CHN2: variants seen among roughly 807,000 people sequenced by gnomAD.
CHN2 encodes the protein beta-chimaerin.
Under a neutral mutation model 56.3 loss-of-function variants are expected in CHN2, and 35 were observed. The observed-to-expected ratio is 0.62, with a 90% CI of 0.47 to 0.82. CHN2 has a LOEUF of 0.82. Ranked by LOEUF, CHN2 falls within the 40% of genes least tolerant of loss-of-function variation. The pLI is 0.00. For synonymous variants in CHN2, 210 were observed against 212.8 expected, an observed-to-expected ratio of 0.99 and a Z score of 0.12; for missense variants, 491 against 580.5, an observed-to-expected ratio of 0.85 and a Z score of 1.58.
intron 1 of CHN2, among the ~76,000 whole-genome samples, chr7:29,298,889 G>T (rs2128875962): frequency 6.6e-6 from 1 of 152,158 alleles, no homozygotes; most frequent in Non-Finnish European, 1.5e-5. Flanking sequence ...AAAAAATTAT[G>T]ATAGGACTAA....
At chr7:29,440,712 A>G (rs965610751) in intron 6 of CHN2, among the ~76,000 whole-genome samples, 11 of 146,790 alleles carry the variant, frequency 7.5e-5, no homozygotes, top group Non-Finnish European at 1.5e-4. Flanking sequence ...AAAAAAAAAA[A>G]GAATGCACAG....
chr7:29,386,003 G>C (rs1338171093), intron 3 of CHN2, among the ~76,000 whole-genome samples: 1 of 152,196 alleles, frequency 6.6e-6, no homozygotes, highest in Non-Finnish European at 1.5e-5. Flanking sequence ...ATTACAGAAA[G>C]ACTGACCAGT....
chr7:29,401,913 GA>G (rs1802242245), intron 6 of CHN2, among the ~76,000 whole-genome samples: 1 of 152,202 alleles, frequency 6.6e-6, no homozygotes, highest in African/African-American at 2.4e-5. Flanking sequence ...CCCACTGAAA[GA>G]AAGTGACAGC....
intron 1 of CHN2, among the ~76,000 whole-genome samples, chr7:29,337,879 G>C (rs11768628): frequency 6.6e-6 from 1 of 152,148 alleles, no homozygotes; most frequent in Non-Finnish European, 1.5e-5. Flanking sequence ...GTGATCTTTA[G>C]AAATATTTTC....
intron 6 of CHN2, among the ~76,000 whole-genome samples, chr7:29,445,617 G>A (rs1054864831): frequency 1.3e-5 from 2 of 151,896 alleles, no homozygotes; most frequent in Non-Finnish European, 1.5e-5. Flanking sequence ...AAGTTTAGAT[G>A]TTTAACCCAT....
At chr7:29,385,221 T>A (rs570515470) in intron 3 of CHN2, among the ~76,000 whole-genome samples, 3 of 152,230 alleles carry the variant, frequency 2.0e-5, no homozygotes, top group African/African-American at 7.2e-5. Flanking sequence ...TGCCTTCCTT[T>A]TACTCCATTT....
At chr7:29,510,366 G>C (rs1240298285) in intron 12 of CHN2, among the ~76,000 whole-genome samples, 2 of 152,078 alleles carry the variant, frequency 1.3e-5, no homozygotes, top group Non-Finnish European at 2.9e-5. Flanking sequence ...TTGAACCCGG[G>C]AGACGAAGGC....
chr7:29,150,145 T>G (rs1793390802), intron 2 of CHN2, among the ~76,000 whole-genome samples: 1 of 152,138 alleles, frequency 6.6e-6, no homozygotes, highest in Non-Finnish European at 1.5e-5. Flanking sequence ...CATATTCTAG[T>G]GAGGTTTGGG....
rs1401416657 is a variant in CHN2, at chr7:29,163,287, A to G, written c.274+16327A>G. On this transcript the variant is annotated intron_variant, in intron 2 of 6. Transcript: ENST00000439384. Reference sequence around the variant, plus strand: ...GGATTTTGAAGACTTAGTATGAAAAACATTGTAAAATACTTCGCTTATAGT... The same window carrying G: ...GGATTTTGAAGACTTAGTATGAAAAGCATTGTAAAATACTTCGCTTATAGT... Among the ~76,000 whole-genome samples the G allele has an allele frequency of 7.2e-5, 11 of 152,160 alleles. No homozygotes were observed. The East Asian group carries it at 2.1e-3, about 29-fold the overall frequency.
intron 6 of CHN2, among the ~76,000 whole-genome samples, chr7:29,450,725 A>C (rs1784345353): frequency 6.6e-6 from 1 of 152,062 alleles, no homozygotes; most frequent in African/African-American, 2.4e-5. Context: ...GCCACAGAAA[A>C]CTAATACAGA....
intron 6 of CHN2, among the ~76,000 whole-genome samples, chr7:29,404,934 T>C (rs533187018): frequency 1.3e-5 from 2 of 152,084 alleles, no homozygotes; most frequent in South Asian, 4.2e-4. Context: ...CAAGAGCCAG[T>C]ATCACTGATT....
intron 6 of CHN2, among the ~76,000 whole-genome samples, chr7:29,404,855 G>A (rs777652045): frequency 6.6e-6 from 1 of 151,844 alleles, no homozygotes; most frequent in Non-Finnish European, 1.5e-5. Flanking sequence ...ACGAGCCACC[G>A]CATCCAGCCA....
chr7:29,374,893 C>CT (rs201800010), intron 3 of CHN2, among the ~76,000 whole-genome samples: 2,099 of 134,548 alleles, frequency 0.016, 53 homozygotes, highest in African/African-American at 0.043. Flanking sequence ...TTCTCTCTTT[C>CT]TTTTTTTTTT....
chr7:29,171,069 T>C (rs144746182), intron 2 of CHN2, among the ~76,000 whole-genome samples: 159 of 152,236 alleles, frequency 1.0e-3, no homozygotes, highest in Non-Finnish European at 1.8e-3. Flanking sequence ...TCAGCTGATT[T>C]ATTAAAAAAC....
intron 4 of CHN2, chr7:29,397,052 A>G (rs1251905886): frequency 1.3e-5 from 2 of 152,282 alleles, no homozygotes; most frequent in East Asian, 3.9e-4. Context: ...CAAGACCTCC[A>G]GACATCAGCT....
chr7:29,283,519 A>T (rs1483148999), intron 1 of CHN2, among the ~76,000 whole-genome samples: 1 of 152,230 alleles, frequency 6.6e-6, no homozygotes, highest in African/African-American at 2.4e-5. Flanking sequence ...GCAGATAATA[A>T]GTAAGGTCCC....
rs371415355 is a variant in CHN2, at chr7:29,486,848, G to A, written c.654+6492G>A. Among the ~76,000 whole-genome samples, 23 of 152,306 alleles carry A rather than the reference G, an allele frequency of 1.5e-4. 2 individuals carry two copies. Among genetic ancestry groups the A allele is most frequent in the African/African-American group, 5.5e-4 (23 of 41,568 alleles). On this transcript the variant is annotated intron_variant, in intron 7 of 12. Transcript: ENST00000222792. ...CACTAAAACACCTGTCCAGGACGTG[G>A]CAGCACCACCACCTCCCAGTTTGGA...
intron 6 of CHN2, among the ~76,000 whole-genome samples, chr7:29,428,277 A>T (rs1292698875): frequency 6.6e-6 from 1 of 152,236 alleles, no homozygotes; most frequent in African/African-American, 2.4e-5. Context: ...CATTTTAATT[A>T]GAATAATGCC....
At chr7:29,345,848 C>A (rs962610470) in intron 1 of CHN2, among the ~76,000 whole-genome samples, 1 of 152,146 alleles carries the variant, frequency 6.6e-6, no homozygotes, top group African/African-American at 2.4e-5. Flanking sequence ...ATGGCTTCAT[C>A]ATCTTCAGAA....
Sources: gnomAD v4.1 joint callset for allele counts (sites outside exome capture counted in the v4.1 genomes callset) on GRCh38, gnomAD v4.1.1 for gene constraint, MANE v1.5 for transcripts, NCBI Gene and HGNC (gene_info 2026-07-23, HGNC 2026-07-21) for gene names.